ESRRB: variants seen among roughly 807,000 people sequenced by gnomAD.
The protein encoded by ESRRB is estrogen related receptor beta, also known as steroid hormone receptor ERR2.
Under a neutral mutation model 46.0 loss-of-function variants are expected in ESRRB, and 16 were observed. The ratio of observed to expected loss-of-function variants is 0.35; its 90% confidence interval spans 0.24 to 0.53. ESRRB has a LOEUF of 0.53. Among genes scored for constraint, ESRRB ranks in the 20% least tolerant of loss-of-function variants. The probability of loss-of-function intolerance (pLI) is 0.93; values close to 1 mark genes in which losing one functional copy is unlikely to be tolerated. For synonymous variants in ESRRB, 246 were observed against 259.6 expected, an observed-to-expected ratio of 0.95 and a Z score of 0.50; for missense variants, 488 against 607.4, an observed-to-expected ratio of 0.80 and a Z score of 2.07.
Position 76,498,979 on chromosome 14 carries a change from T to C in ESRRB, c.*521T>C. ...CTGCTCTGAGATCCTCTGGGGCCGG[T>C]CAAGAGGCCCCATACCTTCCACAGT... On this transcript the variant is annotated 3_prime_UTR_variant, in exon 7 of 7. Transcript: ENST00000644823. 2.4e-6 allele frequency: 1 copy of C among 409,116 alleles called. No homozygotes were observed. The highest frequency in any genetic ancestry group is 1.9e-5 in the South Asian group (1 of 53,222). 25.3% of individuals were successfully genotyped at this position (409,116 alleles called of 1,614,324 possible).
intron 1 of ESRRB, among the ~76,000 whole-genome samples, chr14:76,398,216 A>G (rs897241590): frequency 1.1e-4 from 16 of 152,198 alleles, no homozygotes; most frequent in Non-Finnish European, 4.4e-5. Flanking sequence ...CTGTCCTGCA[A>G]AGTAGGCACT....
chr14:76,455,217 A>C (rs1888555895), intron 2 of ESRRB, among the ~76,000 whole-genome samples: 1 of 151,894 alleles, frequency 6.6e-6, no homozygotes, highest in Non-Finnish European at 1.5e-5. Flanking sequence ...ACTTTGTCTC[A>C]AAAAAAATAT....
At chr14:76,311,039 C>CTCTCTCTCT (rs1555388369) in intron 1 of ESRRB, 1 of 386,114 alleles carries the variant, frequency 2.6e-6, no homozygotes, top group African/African-American at 2.4e-5. Context: ...AAAATATCTC[C>CTCTCTCTCT]CCATGCCTGT....
At chr14:76,429,457 A>G (rs1887340165) in intron 1 of ESRRB, among the ~76,000 whole-genome samples, 1 of 152,240 alleles carries the variant, frequency 6.6e-6, no homozygotes, top group African/African-American at 2.4e-5. Flanking sequence ...TATTAATAAA[A>G]TAGGCAGTTC....
chr14:76,435,171 G>A (rs915726882), intron 1 of ESRRB, among the ~76,000 whole-genome samples: 2 of 152,220 alleles, frequency 1.3e-5, no homozygotes, highest in South Asian at 4.1e-4. Context: ...AAGCTGGGCA[G>A]CTCCTGAGAG....
chr14:76,329,943 C>T (rs898567802), intron 1 of ESRRB, among the ~76,000 whole-genome samples: 3 of 120,642 alleles, frequency 2.5e-5, no homozygotes, highest in Non-Finnish European at 3.3e-5. Context: ...AATAACTTTG[C>T]TTGTCCTTGG....
At chr14:76,455,916 C>T (rs370268319) in intron 2 of ESRRB, among the ~76,000 whole-genome samples, 6 of 151,838 alleles carry the variant, frequency 4.0e-5, no homozygotes, top group Admixed American at 1.3e-4. Context: ...TGGTGGTGCA[C>T]GCCTGTAATC....
chr14:76,480,495 A>C (rs1889765571), intron 3 of ESRRB, among the ~76,000 whole-genome samples: 1 of 152,230 alleles, frequency 6.6e-6, no homozygotes, highest in East Asian at 1.9e-4. Context: ...TTGCTCTAGG[A>C]AACTTCCTTC....
chr14:76,452,795 C>A (rs912145608), intron 2 of ESRRB, among the ~76,000 whole-genome samples: 6 of 152,160 alleles, frequency 3.9e-5, no homozygotes, highest in African/African-American at 7.2e-5. Flanking sequence ...CCAGAAGGAA[C>A]AATTTCGTCA....
At chr14:76,368,907 G>A (rs1361661253), upstream of ESRRB, among the ~76,000 whole-genome samples, 2 of 152,148 alleles carry the variant, frequency 1.3e-5, no homozygotes, top group Non-Finnish European at 2.9e-5. Flanking sequence ...GTTAAAAGCT[G>A]TCATCTTGGC....
chr14:76,464,531 G>A (rs907819253), intron 3 of ESRRB, among the ~76,000 whole-genome samples: 1 of 152,166 alleles, frequency 6.6e-6, no homozygotes, highest in Admixed American at 6.5e-5. Context: ...ATGGCACACT[G>A]GCTTTTAAAA....
intron 1 of ESRRB, among the ~76,000 whole-genome samples, chr14:76,415,809 C>A (rs952829289): frequency 6.6e-6 from 1 of 152,000 alleles, no homozygotes; most frequent in Non-Finnish European, 1.5e-5. Flanking sequence ...GCCTGATAAG[C>A]ACTTTCTTTT....
chr14:76,461,089 A>G (rs910404987), intron 2 of ESRRB, among the ~76,000 whole-genome samples: 3 of 151,862 alleles, frequency 2.0e-5, no homozygotes, highest in Non-Finnish European at 4.4e-5. Flanking sequence ...TAGGTGCTCA[A>G]TGCGTATTCG....
At position 76,414,770 on chromosome 14, in the gene ESRRB, T is replaced by A. The variant is rs146255393; in HGVS notation, c.51-24571T>A. 8.4e-3 allele frequency among the ~76,000 whole-genome samples: 1,260 copies of A among 149,118 alleles called. 15 individuals carry two copies. The highest frequency in any genetic ancestry group is 0.03 in the African/African-American group (1,222 of 40,866). On this transcript the variant is annotated intron_variant, in intron 1 of 6. Transcript: ENST00000644823. Reference sequence around the variant, plus strand: ...GAGATACTCTGTAACCCTCTCCTCCTCCGGTGCCTTTTCCCAGAGAGGCAC... The same window carrying A: ...GAGATACTCTGTAACCCTCTCCTCCACCGGTGCCTTTTCCCAGAGAGGCAC...
intron 1 of ESRRB, among the ~76,000 whole-genome samples, chr14:76,351,986 T>TAAAAAAAAAAAAAAAAAAA (rs201356393): frequency 3.3e-5 from 3 of 91,776 alleles, no homozygotes; most frequent in Non-Finnish European, 6.2e-5. Flanking sequence ...CCCAGTCTCT[T>TAAAAAAAAAAAAAAAAAAA]AAAAAAAAAA....
At chr14:76,416,610 C>G (rs981612958) in intron 1 of ESRRB, among the ~76,000 whole-genome samples, 3 of 151,922 alleles carry the variant, frequency 2.0e-5, no homozygotes, top group East Asian at 1.9e-4. Context: ...GCTAGGATTA[C>G]AGATACCCAC....
At chr14:76,495,089 CAT>C (rs1171806585) in intron 6 of ESRRB, among the ~76,000 whole-genome samples, 12 of 149,114 alleles carry the variant, frequency 8.0e-5, no homozygotes, top group Admixed American at 3.3e-4. Context: ...CATACACACA[CAT>C]GTGAACACAC....
At chr14:76,424,553 G>C (rs1487124768) in intron 1 of ESRRB, among the ~76,000 whole-genome samples, 1 of 152,216 alleles carries the variant, frequency 6.6e-6, no homozygotes, top group African/African-American at 2.4e-5. Flanking sequence ...CAGCAGTGAG[G>C]CTCAGTCACA....
At chr14:76,498,163 CA>C (rs1349026432) in intron 6 of ESRRB, 50 bp from the exon 7 acceptor site, 7 of 1,611,788 alleles carry the variant, frequency 4.3e-6, no homozygotes, top group Non-Finnish European at 5.9e-6. Flanking sequence ...GCCCCCACAC[CA>C]GGCAGCACTC....
Sources: gnomAD v4.1 joint callset for allele counts (sites outside exome capture counted in the v4.1 genomes callset) on GRCh38, gnomAD v4.1.1 for gene constraint, MANE v1.5 for transcripts, NCBI Gene and HGNC (gene_info 2026-07-23, HGNC 2026-07-21) for gene names.